The following LMBR1 variants were observed in gnomAD, a reference collection of about 807,000 sequenced individuals.
LMBR1 encodes limb development membrane protein 1.
Under a neutral mutation model 73.9 loss-of-function variants are expected in LMBR1, and 52 were observed. The observed-to-expected ratio is 0.70, with a 90% CI of 0.56 to 0.89. The LOEUF is 0.89. Among genes scored for constraint, LMBR1 ranks in the 40% least tolerant of loss-of-function variants. LMBR1 has a pLI of 0.00. For synonymous variants in LMBR1, 215 were observed against 209.4 expected (o/e 1.03, Z -0.23); for missense variants, 539 against 579.8 (o/e 0.93, Z 0.72).
intron 4 of LMBR1, among the ~76,000 whole-genome samples, chr7:156,826,087 C>A (rs1835638670): frequency 6.6e-6 from 1 of 152,218 alleles, no homozygotes; most frequent in Non-Finnish European, 1.5e-5. Flanking sequence ...TCAAGTGATT[C>A]TCCTGCCTCA....
At chr7:156,702,689 GAGA>G (rs774251504) in intron 15 of LMBR1, among the ~76,000 whole-genome samples, 37 of 152,134 alleles carry the variant, frequency 2.4e-4, no homozygotes, top group Non-Finnish European at 3.5e-4. Flanking sequence ...AGCAGCAGCA[GAGA>G]AGGTTTTTTA....
chr7:156,751,824 C>A (rs1020031706), intron 9 of LMBR1, among the ~76,000 whole-genome samples: 5 of 152,174 alleles, frequency 3.3e-5, no homozygotes, highest in Non-Finnish European at 7.3e-5. Context: ...AAGTAAAGAT[C>A]TTGAGTTTAC....
At position 156,683,835 on chromosome 7, in the gene LMBR1, T is replaced by G; in HGVS notation, c.*243A>C. 1 of 408,802 alleles carries G rather than the reference T, an allele frequency of 2.4e-6. No individual in the cohort carries two copies. Among genetic ancestry groups the G allele is most frequent in the Non-Finnish European group, 4.3e-6 (1 of 231,728 alleles). The allele number at this position is 408,802 out of a possible 1,614,324, so 25.3% of individuals were successfully genotyped here. On this transcript the variant is annotated 3_prime_UTR_variant, in exon 17 of 17. Transcript: ENST00000353442. ...AGCAAATGTCTACAGAAGAATGCGC[T>G]GTTCTATATGTCTGTAAGGAATCTG...
rs115898238 is a variant in LMBR1 at position 156,854,450 on chromosome 7, T to A, written c.67-17565A>T. Among the ~76,000 whole-genome samples, 1,007 of 152,018 alleles carry A rather than the reference T, an allele frequency of 6.6e-3. 12 individuals are homozygous for A. Among genetic ancestry groups the A allele is most frequent in the African/African-American group, 0.023 (943 of 41,462 alleles). The stretch of plus-strand genomic sequence containing the variant: ...GAAACTGTTAATTAAAAAATAATAA[T>A]AAAAAAATAAAATCCCTTCAAGCTT... On this transcript the variant is annotated intron_variant, in intron 1 of 16. Transcript: ENST00000353442.
At chr7:156,799,805 A>G (rs1830635229) in intron 4 of LMBR1, among the ~76,000 whole-genome samples, 1 of 152,240 alleles carries the variant, frequency 6.6e-6, no homozygotes, top group Non-Finnish European at 1.5e-5. Flanking sequence ...TCCTAAAGGA[A>G]ATTAAAGTGC....
At chr7:156,827,897 A>C (rs6459709) in intron 3 of LMBR1, among the ~76,000 whole-genome samples, 113,474 of 152,124 alleles carry the variant, frequency 0.75, 42,816 homozygotes, top group African/African-American at 0.88. Context: ...ATGATACTTA[A>C]GAAAAATACA....
intron 1 of LMBR1, among the ~76,000 whole-genome samples, chr7:156,858,351 A>G (rs1022248043): frequency 4.6e-5 from 7 of 152,208 alleles, no homozygotes; most frequent in Non-Finnish European, 1.0e-4. Flanking sequence ...AATACCTTCA[A>G]AGACATAATC....
In LMBR1 at chr7:156,765,769, C is replaced by T. The variant is rs1823964495; in HGVS notation, c.424-1974G>A. Among the ~76,000 whole-genome samples the T allele has an allele frequency of 2.0e-5, 3 of 152,256 alleles. No homozygotes were observed. The South Asian group carries it at 6.2e-4, about 32-fold the overall frequency. On this transcript the variant is annotated intron_variant, in intron 5 of 16. Coordinates refer to ENST00000353442, the MANE Select transcript of LMBR1 (RefSeq NM_022458.4). ...CTCTCAATCCTGTCTTTCCCTGCCTCCAACCAGCCCCTAAGAAATATATGA... is the reference window on the plus strand; with the variant it reads ...CTCTCAATCCTGTCTTTCCCTGCCTTCAACCAGCCCCTAAGAAATATATGA...
At chr7:156,840,828 CGTGGCGGGCGTCT>C (rs1838553527) in intron 1 of LMBR1, among the ~76,000 whole-genome samples, 1 of 150,394 alleles carries the variant, frequency 6.6e-6, no homozygotes, top group Admixed American at 6.6e-5. Context: ...AGCCGGGCGT[CGTGGCGGGCGTCT>C]GTAGTCCTAG....
rs192161499 is a variant in LMBR1, at chr7:156,724,284, C to T, written c.1159-106G>A. 1.0e-3 allele frequency: 800 copies of T among 778,838 alleles called. 1 individual carries two copies. Among genetic ancestry groups the T allele is most frequent in the Non-Finnish European group, 1.5e-3 (695 of 475,484 alleles). 48.2% of individuals were successfully genotyped at this position (778,838 alleles called of 1,614,324 possible). A position where few individuals can be genotyped will look rare whatever the true frequency, so the allele number is the denominator to read the frequency against. On this transcript the variant is annotated intron_variant, in intron 14 of 16. Coordinates refer to ENST00000353442, the MANE Select transcript of LMBR1 (RefSeq NM_022458.4). ...TTGTGCATTCTAGTTACCTAGTGTA[C>T]TTTGCCGATTTCTTAATGATACTAT...
At chr7:156,675,979 G>A, downstream of LMBR1, 1 of 1,093,918 alleles carries the variant, frequency 9.1e-7, no homozygotes, top group South Asian at 1.5e-5. Context: ...GGAGTGTCAG[G>A]CCCGGGGTGC....
chr7:156,740,222 C>A (rs918611547), intron 9 of LMBR1, among the ~76,000 whole-genome samples: 2 of 151,796 alleles, frequency 1.3e-5, no homozygotes, highest in Non-Finnish European at 2.9e-5. Context: ...AAAAAAGAAT[C>A]AAAAAGAATG....
intron 10 of LMBR1, among the ~76,000 whole-genome samples, chr7:156,732,617 C>T (rs531034542): frequency 1.4e-3 from 215 of 152,270 alleles, no homozygotes; most frequent in Non-Finnish European, 2.4e-3. Flanking sequence ...ACTCAACAAT[C>T]ACAAAAGGCC....
chr7:156,866,750 C>A (rs1488331092), intron 1 of LMBR1, among the ~76,000 whole-genome samples: 2 of 151,774 alleles, frequency 1.3e-5, no homozygotes, highest in East Asian at 3.9e-4. Context: ...ATTATGGGCG[C>A]CCGCCACTGC....
At chr7:156,851,822 G>GA (rs1796281812) in intron 1 of LMBR1, among the ~76,000 whole-genome samples, 1 of 152,054 alleles carries the variant, frequency 6.6e-6, no homozygotes, top group South Asian at 2.1e-4. Context: ...TTAGATCTAT[G>GA]AAAAAATTAA....
At chr7:156,773,459 T>A (rs1825573136) in intron 5 of LMBR1, among the ~76,000 whole-genome samples, 1 of 152,146 alleles carries the variant, frequency 6.6e-6, no homozygotes, top group African/African-American at 2.4e-5. Flanking sequence ...AAGGCTACAG[T>A]AACCAAACGA....
At chr7:156,675,682 C>T (rs1264989494), downstream of LMBR1, 35 of 1,600,730 alleles carry the variant, frequency 2.2e-5, no homozygotes, top group Non-Finnish European at 2.7e-5. Flanking sequence ...TACCCGCCCC[C>T]GCCTCCTCCT....
intron 5 of LMBR1, among the ~76,000 whole-genome samples, chr7:156,772,430 T>C (rs1563324893): frequency 6.6e-6 from 1 of 152,136 alleles, no homozygotes; most frequent in East Asian, 1.9e-4. Context: ...GCCAACATCA[T>C]ATGGAACAGG....
At chr7:156,851,562 G>A (rs1796239868) in intron 1 of LMBR1, among the ~76,000 whole-genome samples, 1 of 152,130 alleles carries the variant, frequency 6.6e-6, no homozygotes, top group African/African-American at 2.4e-5. Flanking sequence ...TCTTCCTACT[G>A]GTTTCTTGAG....
Sources: gnomAD v4.1 joint callset for allele counts (sites outside exome capture counted in the v4.1 genomes callset) on GRCh38, gnomAD v4.1.1 for gene constraint, MANE v1.5 for transcripts, NCBI Gene and HGNC (gene_info 2026-07-23, HGNC 2026-07-21) for gene names.